NLGN1: variants seen among roughly 807,000 people sequenced by gnomAD.
The protein encoded by NLGN1 is neuroligin-1.
NLGN1 carries 12 observed loss-of-function variants against 65.5 expected under a neutral mutation model. The observed-to-expected ratio is 0.18, with a 90% CI of 0.12 to 0.30. NLGN1 has a LOEUF of 0.30. Ranked by LOEUF, NLGN1 falls within the 10% of genes least tolerant of loss-of-function variation. NLGN1 has a pLI of 1.00. For missense variants in NLGN1, 750 were observed against 1,007.1 expected (o/e 0.74, Z 3.46); for synonymous variants, 350 against 359.5 (o/e 0.97, Z 0.30).
chr3:173,480,923 T>G (rs2148966428), intron 2 of NLGN1, among the ~76,000 whole-genome samples: 1 of 152,226 alleles, frequency 6.6e-6, no homozygotes, highest in South Asian at 2.1e-4. Context: ...TGTACGTGTA[T>G]GTGTGTCTAC....
At chr3:174,173,135 A>G (rs555128806) in intron 4 of NLGN1, among the ~76,000 whole-genome samples, 32 of 152,154 alleles carry the variant, frequency 2.1e-4, no homozygotes, top group African/African-American at 7.5e-4. Context: ...GCATATAGAA[A>G]TGCCACTGAA....
intron 4 of NLGN1, among the ~76,000 whole-genome samples, chr3:173,978,352 G>A (rs192839454): frequency 1.8e-4 from 27 of 152,228 alleles, no homozygotes; most frequent in Non-Finnish European, 1.5e-4. Flanking sequence ...AGAAAGAGCA[G>A]TTTTGGAGGG....
intron 4 of NLGN1, among the ~76,000 whole-genome samples, chr3:174,172,719 G>C (rs1728770564): frequency 6.6e-6 from 1 of 152,128 alleles, no homozygotes; most frequent in African/African-American, 2.4e-5. Flanking sequence ...GGTTACAATA[G>C]CTCTGCAGTA....
intron 4 of NLGN1, among the ~76,000 whole-genome samples, chr3:174,221,677 G>A (rs1647906982): frequency 1.3e-5 from 2 of 151,640 alleles, no homozygotes; most frequent in South Asian, 2.1e-4. Flanking sequence ...GCTTAAACAA[G>A]AGAAATTTAT....
intron 2 of NLGN1, among the ~76,000 whole-genome samples, chr3:173,499,581 A>G (rs186374757): frequency 1.6e-4 from 24 of 151,856 alleles, no homozygotes; most frequent in Admixed American, 2.6e-4. Flanking sequence ...GTTTTTTCCA[A>G]TTCTGTGAAG....
At chr3:173,961,426 T>C (rs1445123142) in intron 4 of NLGN1, among the ~76,000 whole-genome samples, 2 of 152,140 alleles carry the variant, frequency 1.3e-5, no homozygotes, top group East Asian at 1.9e-4. Context: ...TTGATTCTTC[T>C]TTCATCCCAG....
intron 3 of NLGN1, among the ~76,000 whole-genome samples, chr3:173,759,855 GTTAT>G (rs1316652624): frequency 1.3e-5 from 2 of 151,130 alleles, no homozygotes; most frequent in African/African-American, 4.9e-5. Flanking sequence ...TATTTCTATT[GTTAT>G]TTATCTCCCA....
chr3:173,981,838 CT>C (rs1187651078), intron 4 of NLGN1, among the ~76,000 whole-genome samples: 6 of 151,966 alleles, frequency 3.9e-5, no homozygotes, highest in Admixed American at 1.3e-4. Flanking sequence ...TTCATTTTCT[CT>C]TTAATATATG....
intron 3 of NLGN1, among the ~76,000 whole-genome samples, chr3:173,607,344 G>T (rs7626115): frequency 0.99 from 151,115 of 151,884 alleles, 75,175 homozygotes; most frequent in East Asian, 1. Flanking sequence ...AGTTTAAGTC[G>T]GTTGTGCTTA....
At chr3:173,724,899 T>C (rs759863804) in intron 3 of NLGN1, among the ~76,000 whole-genome samples, 1 of 152,110 alleles carries the variant, frequency 6.6e-6, no homozygotes, top group Non-Finnish European at 1.5e-5. Context: ...TGGACGAAGC[T>C]GAAACCATCA....
chr3:174,201,340 GAGGAATGAAGGA>G lies in NLGN1; in HGVS notation c.647-73969_647-73958del, dbSNP rs1379701487. On this transcript the variant is annotated intron_variant, in intron 4 of 6. Transcript: ENST00000457714. Reference sequence around the variant, plus strand: ...AGGGAGGCGGGAGGAGGGAAGGTGGGAGGAATGAAGGAAGGAAGGAAGGAAGGAAGGAAGGAA... The same window carrying G: ...AGGGAGGCGGGAGGAGGGAAGGTGGGAGGAAGGAAGGAAGGAAGGAAGGAA... 2.3e-5 allele frequency among the ~76,000 whole-genome samples: 3 copies of G among 132,742 alleles called. No homozygotes were observed. In the South Asian group the frequency reaches 7.9e-4, roughly 35 times the overall value. The allele number at this position is 132,742 out of a possible 152,430, so 87.1% of individuals were successfully genotyped here.
chr3:173,449,224 A>G (rs1403096829), intron 2 of NLGN1, among the ~76,000 whole-genome samples: 3 of 151,208 alleles, frequency 2.0e-5, no homozygotes, highest in Non-Finnish European at 3.0e-5. Flanking sequence ...CCCTCTACAC[A>G]CTGCTTTGAA....
chr3:174,037,834 G>C (rs892896626), intron 4 of NLGN1, among the ~76,000 whole-genome samples: 1 of 152,084 alleles, frequency 6.6e-6, no homozygotes, highest in Non-Finnish European at 1.5e-5. Flanking sequence ...CATATTAGTT[G>C]GGTGGTAATT....
intron 4 of NLGN1, among the ~76,000 whole-genome samples, chr3:174,127,742 C>T (rs1054314703): frequency 6.6e-6 from 1 of 152,056 alleles, no homozygotes; most frequent in Admixed American, 6.6e-5. Flanking sequence ...CAACTTTATC[C>T]TTCATGTATT....
At chr3:173,530,206 C>G (rs140491263) in intron 2 of NLGN1, among the ~76,000 whole-genome samples, 1 of 152,130 alleles carries the variant, frequency 6.6e-6, no homozygotes, top group Non-Finnish European at 1.5e-5. Flanking sequence ...CCTGCTGTCT[C>G]GGCCTCCCAA....
chr3:173,709,756 T>C (rs1384598294), intron 3 of NLGN1, among the ~76,000 whole-genome samples: 1 of 144,616 alleles, frequency 6.9e-6, no homozygotes, highest in Non-Finnish European at 1.5e-5. Flanking sequence ...TGAGCCGAGA[T>C]TGTACCATTG....
At chr3:173,682,385 C>T (rs1037873461) in intron 3 of NLGN1, among the ~76,000 whole-genome samples, 16 of 151,794 alleles carry the variant, frequency 1.1e-4, no homozygotes, top group South Asian at 6.2e-4. Flanking sequence ...GTCAAGAGAT[C>T]GAGACCATCC....
intron 3 of NLGN1, among the ~76,000 whole-genome samples, chr3:173,670,266 C>G (rs1056207114): frequency 6.6e-6 from 1 of 152,118 alleles, no homozygotes; most frequent in Non-Finnish European, 1.5e-5. Flanking sequence ...TTACTGCATT[C>G]TTTCCATTTT....
At chr3:173,782,367 G>A (rs929436260) in intron 3 of NLGN1, among the ~76,000 whole-genome samples, 2 of 151,516 alleles carry the variant, frequency 1.3e-5, no homozygotes, top group African/African-American at 2.4e-5. Flanking sequence ...TAGTAAAACA[G>A]AAAAAAAACC....
Sources: allele counts gnomAD v4.1 joint callset (sites outside exome capture counted in the v4.1 genomes callset), GRCh38; gene constraint gnomAD v4.1.1; transcripts MANE v1.5; gene names NCBI Gene and HGNC (gene_info 2026-07-23, HGNC 2026-07-21).